CADM2: variants seen among roughly 807,000 people sequenced by gnomAD.
CADM2 encodes the protein immunoglobulin superfamily member 4D.
A neutral mutation model predicts 49.8 loss-of-function variants in CADM2; 12 were observed. The observed-to-expected ratio is 0.24, with a 90% CI of 0.15 to 0.39. The LOEUF (loss-of-function observed/expected upper bound fraction) is 0.39, where lower values mean the gene tolerates loss of function less well. CADM2 is among the 10% of genes least tolerant of loss of function. The pLI is 1.00. For synonymous variants in CADM2, 214 were observed against 175.4 expected (o/e 1.22, Z -1.74); for missense variants, 378 against 492.3 (o/e 0.77, Z 2.20).
intron 3 of CADM2, among the ~76,000 whole-genome samples, chr3:85,834,281 T>C (rs987110258): frequency 6.6e-6 from 1 of 151,614 alleles, no homozygotes; most frequent in Non-Finnish European, 1.5e-5. Flanking sequence ...TTAAGAATTA[T>C]AAATCTCGAA....
chr3:86,059,951 T>G (rs1738419718), intron 8 of CADM2, among the ~76,000 whole-genome samples: 1 of 152,116 alleles, frequency 6.6e-6, no homozygotes, highest in Non-Finnish European at 1.5e-5. Context: ...ATAAAGTAAC[T>G]TTTCTCATAT....
chr3:85,117,418 A>G (rs2107582699), intron 1 of CADM2, among the ~76,000 whole-genome samples: 1 of 152,284 alleles, frequency 6.6e-6, no homozygotes, highest in South Asian at 2.1e-4. Context: ...CTTAATTAAA[A>G]CTAATTAACA....
At chr3:85,627,231 G>A (rs1336872080) in intron 1 of CADM2, among the ~76,000 whole-genome samples, 1 of 151,960 alleles carries the variant, frequency 6.6e-6, no homozygotes, top group Non-Finnish European at 1.5e-5. Context: ...GAACAGTGAA[G>A]TGAGTTTCCC....
chr3:85,069,196 A>T (rs1269860789), intron 1 of CADM2, among the ~76,000 whole-genome samples: 1 of 152,034 alleles, frequency 6.6e-6, no homozygotes. Flanking sequence ...GAAAAAAAAA[A>T]GATTTGATAC....
chr3:85,959,477 G>T (rs991818369), intron 7 of CADM2, among the ~76,000 whole-genome samples: 5 of 151,824 alleles, frequency 3.3e-5, no homozygotes, highest in Non-Finnish European at 7.4e-5. Flanking sequence ...CCAGTAAGCT[G>T]CCCAGGAGCC....
intron 1 of CADM2, among the ~76,000 whole-genome samples, chr3:85,217,082 A>G (rs1289666683): frequency 6.6e-6 from 1 of 151,982 alleles, no homozygotes; most frequent in Non-Finnish European, 1.5e-5. Context: ...ACATTTACCT[A>G]AAATATTAAG....
At chr3:84,972,745 A>G (rs1026477760) in intron 1 of CADM2, among the ~76,000 whole-genome samples, 8 of 152,186 alleles carry the variant, frequency 5.3e-5, no homozygotes, top group African/African-American at 1.9e-4. Flanking sequence ...TGATTCATTT[A>G]TCAACAAATA....
At chr3:85,864,957 A>G (rs748843494) in intron 3 of CADM2, among the ~76,000 whole-genome samples, 1 of 152,088 alleles carries the variant, frequency 6.6e-6, no homozygotes, top group Non-Finnish European at 1.5e-5. Flanking sequence ...GTTGAACATT[A>G]TCTTAATCTC....
At chr3:85,193,018 A>C (rs1441027256) in intron 1 of CADM2, among the ~76,000 whole-genome samples, 4 of 152,118 alleles carry the variant, frequency 2.6e-5, no homozygotes, top group East Asian at 3.9e-4. Context: ...AGAAAGGGAG[A>C]TGCTTTGGCT....
chr3:86,048,046 G>C (rs1403920200), intron 8 of CADM2, among the ~76,000 whole-genome samples: 2 of 152,080 alleles, frequency 1.3e-5, no homozygotes, highest in East Asian at 3.9e-4. Context: ...AAGATGACCA[G>C]TATTAATATG....
intron 1 of CADM2, among the ~76,000 whole-genome samples, chr3:85,043,027 C>A (rs1004079638): frequency 6.6e-6 from 1 of 152,096 alleles, no homozygotes; most frequent in Non-Finnish European, 1.5e-5. Context: ...GAAATGACAA[C>A]ACAAAGGCAT....
At chr3:85,702,598 T>C (rs2066815124) in intron 1 of CADM2, among the ~76,000 whole-genome samples, 1 of 152,186 alleles carries the variant, frequency 6.6e-6, no homozygotes, top group Admixed American at 6.5e-5. Flanking sequence ...TAGATATTCG[T>C]ATAACAAGAA....
At chr3:85,878,789 C>T (rs1712302422) in intron 3 of CADM2, among the ~76,000 whole-genome samples, 1 of 151,984 alleles carries the variant, frequency 6.6e-6, no homozygotes, top group Non-Finnish European at 1.5e-5. Context: ...TATATAGGTT[C>T]CAAAATACAG....
intron 2 of CADM2, among the ~76,000 whole-genome samples, chr3:85,758,130 G>A (rs746992268): frequency 2.0e-5 from 3 of 152,140 alleles, no homozygotes; most frequent in Non-Finnish European, 4.4e-5. Context: ...AAATGTTTTG[G>A]TGGTAGCACA....
At chr3:85,962,479 A>T (rs1361908049) in intron 8 of CADM2, among the ~76,000 whole-genome samples, 2 of 151,108 alleles carry the variant, frequency 1.3e-5, no homozygotes, top group African/African-American at 4.8e-5. Context: ...TTACCTCACA[A>T]TTTGAGTAAA....
chr3:85,715,213 A>G (rs1361668192), intron 1 of CADM2, among the ~76,000 whole-genome samples: 1 of 152,202 alleles, frequency 6.6e-6, no homozygotes, highest in East Asian at 1.9e-4. Context: ...GGTAGATACC[A>G]TCCCACTGTT....
At chr3:86,039,524 C>A (rs555141349) in intron 8 of CADM2, among the ~76,000 whole-genome samples, 113 of 152,240 alleles carry the variant, frequency 7.4e-4, no homozygotes, top group African/African-American at 2.7e-3. Flanking sequence ...AAGGTGGCAG[C>A]GAGGCTGGGG....
At chr3:85,455,083 TA>T (rs1425221693) in intron 1 of CADM2, among the ~76,000 whole-genome samples, 3 of 152,236 alleles carry the variant, frequency 2.0e-5, no homozygotes, top group Non-Finnish European at 2.9e-5. Context: ...GTAACCTTGA[TA>T]ATATCGTAAA....
chr3:85,397,994 C>T (rs931658030), intron 1 of CADM2, among the ~76,000 whole-genome samples: 1 of 151,830 alleles, frequency 6.6e-6, no homozygotes, highest in Non-Finnish European at 1.5e-5. Flanking sequence ...CATCCAGAAG[C>T]CTTTTTCTTT....
Sources: allele counts gnomAD v4.1 joint callset (sites outside exome capture counted in the v4.1 genomes callset), GRCh38; gene constraint gnomAD v4.1.1; transcripts MANE v1.5; gene names NCBI Gene and HGNC (gene_info 2026-07-23, HGNC 2026-07-21).